The following GSG1 variants were observed in gnomAD, a reference collection of about 807,000 sequenced individuals.
The protein encoded by GSG1 is germ cell-specific gene 1 protein.
Under a neutral mutation model 30.8 loss-of-function variants are expected in GSG1, and 28 were observed. The ratio of observed to expected loss-of-function variants is 0.91; its 90% CI spans 0.67 to 1.25. The LOEUF is 1.25. Among genes scored for constraint, GSG1 ranks in the 50% most tolerant of loss-of-function variants. GSG1 has a pLI of 0.00. For missense variants in GSG1, 435 were observed against 444.7 expected (o/e 0.98, Z 0.20); for synonymous variants, 162 against 178.0 (o/e 0.91, Z 0.71).
chr12:13,095,730 T>A, intron 1 of GSG1: 1 of 1,560,262 alleles, frequency 6.4e-7, no homozygotes, highest in Non-Finnish European at 8.7e-7. Context: ...CTCCTACCCC[T>A]CCCCTTCTAT....
intron 1 of GSG1, among the ~76,000 whole-genome samples, chr12:13,091,096 T>A (rs1866088307): frequency 1.3e-5 from 2 of 151,830 alleles, no homozygotes; most frequent in African/African-American, 4.8e-5. Context: ...TGTCCTCCTG[T>A]CTCAGTCCCA....
At chr12:13,099,750 G>GTT (rs57762367) in intron 1 of GSG1, among the ~76,000 whole-genome samples, 148 of 114,808 alleles carry the variant, frequency 1.3e-3, no homozygotes, top group Middle Eastern at 4.5e-3. Flanking sequence ...GTTTTTTTTT[G>GTT]TTTTTTTTTT....
At position 13,095,563 on chromosome 12, in the gene GSG1, T is replaced by G. The variant is rs199888314; in HGVS notation, c.49-4745A>C. On this transcript the variant is annotated intron_variant, in intron 1 of 6. Coordinates refer to ENST00000651961, the MANE Select transcript of GSG1 (RefSeq NM_001080555.4). ...AGCCAGGTACAAAATAGCTGTAGACTGCATCCTTTGAGCAATAGGAGGGGA... is the reference window on the plus strand; with the variant it reads ...AGCCAGGTACAAAATAGCTGTAGACGGCATCCTTTGAGCAATAGGAGGGGA... The G allele has an allele frequency of 2.9e-5, 46 of 1,597,140 alleles. No individual in the cohort carries two copies. In the Admixed American group the frequency reaches 4.7e-4, roughly 16 times the overall value.
At chr12:13,099,747 TTTG>T (rs1403029807) in intron 1 of GSG1, among the ~76,000 whole-genome samples, 28 of 124,640 alleles carry the variant, frequency 2.2e-4, no homozygotes, top group African/African-American at 8.6e-4. Context: ...GGTGTTTTTT[TTTG>T]TTTTTTTTTT....
chr12:13,088,815 G>T (rs759604142), intron 4 of GSG1, 47 bp downstream of exon 4: 3 of 1,614,076 alleles, frequency 1.9e-6, no homozygotes, highest in Admixed American at 3.3e-5. Flanking sequence ...GGAGAGTGGG[G>T]TGACATGGGC....
intron 1 of GSG1, among the ~76,000 whole-genome samples, chr12:13,099,765 T>TTG (rs1863056994): frequency 6.7e-6 from 1 of 149,458 alleles, no homozygotes. Context: ...TTTTTTTTTT[T>TTG]TTTGTTTTTT....
At chr12:13,100,163 GAAT>G (rs1050856709) in intron 1 of GSG1, among the ~76,000 whole-genome samples, 9 of 151,078 alleles carry the variant, frequency 6.0e-5, no homozygotes, top group African/African-American at 1.7e-4. Context: ...ATGAATGAAT[GAAT>G]GAGATTTGTA....
At chr12:13,089,996 C>T (rs538352953) in intron 2 of GSG1, among the ~76,000 whole-genome samples, 2 of 152,238 alleles carry the variant, frequency 1.3e-5, no homozygotes, top group Non-Finnish European at 2.9e-5. Flanking sequence ...TTGTGGTGAG[C>T]CAAGATCACA....
At chr12:13,095,664 T>A in intron 1 of GSG1, 2 of 1,613,868 alleles carry the variant, frequency 1.2e-6, no homozygotes, top group Admixed American at 3.3e-5. Flanking sequence ...GCACTCCAAG[T>A]CCCTTTGGTT....
At chr12:13,099,880 T>C (rs1031920009) in intron 1 of GSG1, among the ~76,000 whole-genome samples, 1 of 152,012 alleles carries the variant, frequency 6.6e-6, no homozygotes, top group African/African-American at 2.4e-5. Context: ...CACGCGCCAT[T>C]AGCTCCTTTC....
In GSG1 at chr12:13,084,873, A is replaced by G. The variant is rs1428350686; in HGVS notation, c.*28T>C. ...TCAGCAGACGTGTAAGGTAGGGCTC[A>G]AGCCTACTCCCCAAACCCGCTTAAC... is the stretch of plus-strand genomic sequence containing the variant. On this transcript the variant is annotated 3_prime_UTR_variant, in exon 7 of 7. Transcript: ENST00000651961. 1 of 1,447,834 alleles carries G rather than the reference A, an allele frequency of 6.9e-7. No individual in the cohort carries two copies. The highest frequency in any genetic ancestry group is 1.3e-5 in the South Asian group (1 of 75,710). 89.7% of individuals were successfully genotyped at this position (1,447,834 alleles called of 1,614,324 possible). A position where few individuals can be genotyped will look rare whatever the true frequency, so the allele number is the denominator to read the frequency against.
intron 6 of GSG1, among the ~76,000 whole-genome samples, 153 bp from the exon 7 acceptor site, chr12:13,085,396 G>A (rs1006582125): frequency 1.3e-5 from 2 of 152,128 alleles, no homozygotes; most frequent in Admixed American, 1.3e-4. Context: ...TGTGGGAAGA[G>A]AACTTACTGG....
rs1162343196 is a variant in GSG1, at chr12:13,093,049, G to A, written c.49-2231C>T. 6.6e-6 allele frequency among the ~76,000 whole-genome samples: 1 copy of A among 151,688 alleles called. No homozygotes were observed. Among genetic ancestry groups the A allele is most frequent in the Non-Finnish European group, 1.5e-5 (1 of 67,934 alleles). On this transcript the variant is annotated intron_variant, in intron 1 of 6. Transcript: ENST00000651961. The surrounding 1 kb of genome is among the most constrained non-coding windows in gnomAD (Gnocchi z 4.6). ...GATCTTAGGTAATCTGCCCGCCTCG[G>A]CCTCCCAAAGTGCTGGGATTACAGG...
rs923118178 is a variant in GSG1 at position 13,084,884 on chromosome 12, C to T, written c.*17G>A. ...GTAAGGTAGGGCTCAAGCCTACTCC[C>T]CAAACCCGCTTAACTCCTAACACTG... On this transcript the variant is annotated 3_prime_UTR_variant, in exon 7 of 7. Coordinates refer to ENST00000651961, the MANE Select transcript of GSG1 (RefSeq NM_001080555.4). The T allele has an allele frequency of 6.6e-7, 1 of 1,515,820 alleles. No individual in the cohort carries two copies. The highest frequency in any genetic ancestry group is 8.9e-7 in the Non-Finnish European group (1 of 1,122,590). 93.9% of individuals were successfully genotyped at this position (1,515,820 alleles called of 1,614,324 possible).
Position 13,084,556 on chromosome 12 carries a change from C to T in GSG1, c.*345G>A. The T allele has an allele frequency of 5.7e-6, 1 of 174,588 alleles. No individual in the cohort carries two copies. Among genetic ancestry groups the T allele is most frequent in the Non-Finnish European group, 1.2e-5 (1 of 81,504 alleles). 10.8% of individuals were successfully genotyped at this position (174,588 alleles called of 1,614,324 possible). Reference sequence around the variant, plus strand: ...TTGCTCACCTCCATTTCTCCAATTTCCAGACCAATAACTAGATGTATCAGA... The same window carrying T: ...TTGCTCACCTCCATTTCTCCAATTTTCAGACCAATAACTAGATGTATCAGA... On this transcript the variant is annotated 3_prime_UTR_variant, in exon 7 of 7. Transcript: ENST00000651961.
Position 13,101,342 on chromosome 12 carries a change from C to T in GSG1, c.48+2123G>A, listed in dbSNP as rs1425447266. On this transcript the variant is annotated intron_variant, in intron 1 of 6. Transcript: ENST00000651961. This position sits in a 1 kb window ranked among gnomAD's most constrained non-coding sequence, Gnocchi z 5.8. The stretch of plus-strand genomic sequence containing the variant: ...GGGGCGCGTTGCCGCGGCGACAGGC[C>T]GGCCGTGTTTGGCATTGTTTGCGAG... Among the ~76,000 whole-genome samples, 1 of 152,190 alleles carries T rather than the reference C, an allele frequency of 6.6e-6. No individual in the cohort carries two copies. Among genetic ancestry groups the T allele is most frequent in the Non-Finnish European group, 1.5e-5 (1 of 68,030 alleles).
intron 1 of GSG1, among the ~76,000 whole-genome samples, chr12:13,103,257 T>A (rs1454231464): frequency 6.6e-6 from 1 of 152,152 alleles, no homozygotes; most frequent in African/African-American, 2.4e-5. Context: ...TAGGCCAAGG[T>A]ATGGACATAC....
Position 13,084,787 on chromosome 12 carries a change from A to T in GSG1, c.*114T>A. The stretch of plus-strand genomic sequence containing the variant: ...AAAGATAACCCTTATTCATAGCCTT[A>T]TTCGTAGCCTCTAAAAACCATGCTC... On this transcript the variant is annotated 3_prime_UTR_variant, in exon 7 of 7. Coordinates refer to ENST00000651961, the MANE Select transcript of GSG1 (RefSeq NM_001080555.4). 1.4e-6 allele frequency: 1 copy of T among 689,858 alleles called. No individual in the cohort carries two copies. Among genetic ancestry groups the T allele is most frequent in the Non-Finnish European group, 2.4e-6 (1 of 410,054 alleles). The allele number at this position is 689,858 out of a possible 1,614,324, so 42.7% of individuals were successfully genotyped here.
chr12:13,089,449 G>C, intron 2 of GSG1, 173 bp from the exon 3 acceptor site: 1 of 1,023,188 alleles, frequency 9.8e-7, no homozygotes, highest in Non-Finnish European at 1.4e-6. Context: ...TCACCTTTCA[G>C]TGCTCTTGGG....
Sources: gnomAD v4.1 joint callset for allele counts (sites outside exome capture counted in the v4.1 genomes callset) on GRCh38, gnomAD v4.1.1 for gene constraint, Gnocchi (gnomAD v3.1) non-coding constraint, MANE v1.5 for transcripts, NCBI Gene and HGNC (gene_info 2026-07-23, HGNC 2026-07-21) for gene names.